CTDSP2: variants seen among roughly 807,000 people sequenced by gnomAD.
CTDSP2 encodes CTD small phosphatase 2, also known as carboxy-terminal domain RNA polymerase II polypeptide A small phosphatase 2.
CTDSP2 carries 9 observed loss-of-function variants against 31.6 expected under a neutral mutation model. The ratio of observed to expected loss-of-function variants is 0.28; its 90% confidence interval spans 0.17 to 0.50. CTDSP2 has a LOEUF of 0.50. Among genes scored for constraint, CTDSP2 ranks in the 20% least tolerant of loss-of-function variants. The probability of loss-of-function intolerance (pLI) is 0.98; values close to 1 mark genes in which losing one functional copy is unlikely to be tolerated. For missense variants in CTDSP2, 267 were observed against 348.5 expected (o/e 0.77, Z 1.86); for synonymous variants, 134 against 134.5 (o/e 1.00, Z 0.03).
intron 1 of CTDSP2, among the ~76,000 whole-genome samples, chr12:57,840,119 T>A (rs936693929): frequency 2.6e-5 from 4 of 152,004 alleles, no homozygotes; most frequent in Admixed American, 1.3e-4. Context: ...CTGCTGTGCC[T>A]ACCTGGCTCT....
intron 1 of CTDSP2, among the ~76,000 whole-genome samples, chr12:57,839,703 G>A (rs561747057): frequency 6.6e-6 from 1 of 152,036 alleles, no homozygotes; most frequent in African/African-American, 2.4e-5. Flanking sequence ...CAGCCTGGGC[G>A]ACAGAGCAAG....
chr12:57,828,192 C>T (rs937124147), intron 2 of CTDSP2, among the ~76,000 whole-genome samples: 8 of 151,926 alleles, frequency 5.3e-5, no homozygotes, highest in African/African-American at 1.5e-4. Flanking sequence ...GGCCGAGGCG[C>T]GCGGATCACC....
chr12:57,830,712 A>T (rs1956210506), intron 1 of CTDSP2, among the ~76,000 whole-genome samples: 1 of 152,094 alleles, frequency 6.6e-6, no homozygotes, highest in Non-Finnish European at 1.5e-5. Context: ...TACCTTGATC[A>T]TTTGGGCGGT....
At chr12:57,829,891 G>A (rs1395131701) in intron 1 of CTDSP2, among the ~76,000 whole-genome samples, 1 of 152,134 alleles carries the variant, frequency 6.6e-6, no homozygotes, top group Non-Finnish European at 1.5e-5. Flanking sequence ...AAGGTGTTCT[G>A]CTGCTCCAGC....
intron 1 of CTDSP2, among the ~76,000 whole-genome samples, chr12:57,833,183 G>C (rs925126067): frequency 1.3e-5 from 2 of 152,310 alleles, no homozygotes; most frequent in Admixed American, 1.3e-4. Flanking sequence ...GAGAGGTTGC[G>C]GGGGTGAAAG....
intron 1 of CTDSP2, 152 bp from the exon 2 acceptor site, chr12:57,829,748 C>T: frequency 1.7e-6 from 1 of 594,772 alleles, no homozygotes; most frequent in Non-Finnish European, 2.9e-6. Context: ...AACAGTCAAA[C>T]ATACATGTTT....
intron 1 of CTDSP2, chr12:57,842,737 G>A (rs1331320281): frequency 3.3e-5 from 5 of 152,464 alleles, no homozygotes; most frequent in African/African-American, 1.2e-4. Flanking sequence ...AGGAAGGTGA[G>A]AGGCACCAGC....
At chr12:57,837,413 T>C (rs1956254770) in intron 1 of CTDSP2, among the ~76,000 whole-genome samples, 1 of 152,212 alleles carries the variant, frequency 6.6e-6, no homozygotes, top group African/African-American at 2.4e-5. Context: ...TCTAACTGCA[T>C]GGGCATTTTT....
In CTDSP2 at chr12:57,821,029, T is replaced by A. The variant is rs555390735; in HGVS notation, c.*2573A>T. The A allele has an allele frequency of 6.6e-6, 1 of 152,302 alleles. No individual in the cohort carries two copies. Among genetic ancestry groups the A allele is most frequent in the South Asian group, 2.1e-4 (1 of 4,828 alleles). 9.4% of individuals were successfully genotyped at this position (152,302 alleles called of 1,614,324 possible). On this transcript the variant is annotated 3_prime_UTR_variant, in exon 8 of 8. Transcript: ENST00000398073. ...TGGTGGGAAGCCCTAGAAGAGAGTC[T>A]GGGATGAAGCGGCCTCCTCCCTGTC...
At chr12:57,845,840 C>T (rs994875739) in intron 1 of CTDSP2, among the ~76,000 whole-genome samples, 11 of 152,176 alleles carry the variant, frequency 7.2e-5, no homozygotes, top group African/African-American at 2.4e-4. Flanking sequence ...GCCCCCGCCT[C>T]CAAGAGGTGA....
At chr12:57,831,282 CCT>C (rs1956214155) in intron 1 of CTDSP2, among the ~76,000 whole-genome samples, 1 of 151,546 alleles carries the variant, frequency 6.6e-6, no homozygotes, top group Non-Finnish European at 1.5e-5. Context: ...ATGGTGAAAC[CCT>C]GTCTCTACTA....
rs1021959017 is a variant in CTDSP2 at position 57,822,158 on chromosome 12, T to G, written c.*1444A>C. The G allele has an allele frequency of 3.9e-5, 6 of 152,612 alleles. No homozygotes were observed. The highest frequency in any genetic ancestry group is 1.4e-4 in the African/African-American group (6 of 41,550). The allele number at this position is 152,612 out of a possible 1,614,324, so 9.5% of individuals were successfully genotyped here. On this transcript the variant is annotated 3_prime_UTR_variant, in exon 8 of 8. Transcript: ENST00000398073. The stretch of plus-strand genomic sequence containing the variant: ...CCACCCACCCCAGGGAGGCCACGAT[T>G]AAGGCAGTGATGCTGAGGTGGGGCT...
rs377611853 is a variant in CTDSP2, at chr12:57,828,142, G to A, written c.214-552C>T. 2.3e-3 allele frequency among the ~76,000 whole-genome samples: 348 copies of A among 152,214 alleles called. 13 individuals are homozygous for A. In the South Asian group the frequency reaches 0.066, roughly 29 times the overall value. On this transcript the variant is annotated intron_variant, in intron 2 of 7. Transcript: ENST00000398073. ...TGCTAATACAAATGTTATGACCGCC[G>A]GGCGCAGTGGCTCATGCCTGTAATC...
At chr12:57,844,373 T>G (rs554019309) in intron 1 of CTDSP2, among the ~76,000 whole-genome samples, 1 of 152,358 alleles carries the variant, frequency 6.6e-6, no homozygotes, top group Admixed American at 6.5e-5. Flanking sequence ...TTCACCCTGG[T>G]GGATGAAACT....
rs200285678 is a variant in CTDSP2, at chr12:57,843,921, G to GGCGC, written c.64+2447_64+2450dup. On this transcript the variant is annotated intron_variant, in intron 1 of 7. Coordinates refer to ENST00000398073, the MANE Select transcript of CTDSP2 (RefSeq NM_005730.4). ...AATCAAATTACATGGGGAGGGGCCG[G>GGCGC]GCGCGGTGGCTCACGCCTGTAATCC... is the stretch of plus-strand genomic sequence containing the variant. Among the ~76,000 whole-genome samples the GGCGC allele has an allele frequency of 8.5e-3, 1,284 of 151,488 alleles. 12 individuals carry two copies. Among genetic ancestry groups the GGCGC allele is most frequent in the African/African-American group, 0.027 (1,095 of 41,268 alleles).
chr12:57,831,017 G>A (rs1956212152), intron 1 of CTDSP2, among the ~76,000 whole-genome samples: 1 of 150,680 alleles, frequency 6.6e-6, no homozygotes, highest in African/African-American at 2.4e-5. Flanking sequence ...CAAAGTGCTG[G>A]GATTACAGGC....
At position 57,823,925 on chromosome 12, in the gene CTDSP2, G is replaced by T. The variant is rs12822897; in HGVS notation, c.669C>A (p.Tyr223Ter). ...TLILDNSPAS[Y>*]IFHPENAVPV... Reference sequence around the variant, plus strand: ...TCACTGCATTCTCGGGGTGGAATATGTAAGAAGCAGGCGAGTTGTCCAGGA... The same window carrying T: ...TCACTGCATTCTCGGGGTGGAATATTTAAGAAGCAGGCGAGTTGTCCAGGA... Residue 223 changes from tyrosine to a stop codon, truncating the protein, a stop_gained, in exon 7 of 8, where the codon TAC (tyrosine) becomes TAA (stop). Transcript: ENST00000398073. LOFTEE classifies it high-confidence loss of function. The T allele has an allele frequency of 1.9e-6, 3 of 1,614,090 alleles. No homozygotes were observed. The highest frequency in any genetic ancestry group is 2.5e-6 in the Non-Finnish European group (3 of 1,180,002).
At chr12:57,830,052 G>T (rs916886626) in intron 1 of CTDSP2, among the ~76,000 whole-genome samples, 5 of 152,188 alleles carry the variant, frequency 3.3e-5, no homozygotes, top group African/African-American at 1.2e-4. Flanking sequence ...CCTAGATACT[G>T]GCTTAGTGGA....
At position 57,846,550 on chromosome 12, in the gene CTDSP2, C is replaced by T. The variant is rs969575356; in HGVS notation, c.-115G>A. ...CTCCGGCTCCCGAGACTCCGACTTC[C>T]ACAGCTGTTCACATCCCCCCTCTCG... On this transcript the variant is annotated 5_prime_UTR_variant, in exon 1 of 8. Transcript: ENST00000398073. 2.1e-5 allele frequency: 16 copies of T among 761,180 alleles called. No individual in the cohort carries two copies. Among genetic ancestry groups the T allele is most frequent in the Middle Eastern group, 4.0e-4 (1 of 2,474 alleles). 47.2% of individuals were successfully genotyped at this position (761,180 alleles called of 1,614,324 possible).
Sources: allele counts gnomAD v4.1 joint callset (sites outside exome capture counted in the v4.1 genomes callset), GRCh38; gene constraint gnomAD v4.1.1; transcripts MANE v1.5; gene names NCBI Gene and HGNC (gene_info 2026-07-23, HGNC 2026-07-21).